The following AGAP1 variants were observed in gnomAD, a reference collection of about 807,000 sequenced individuals.
The protein encoded by AGAP1 is arf-GAP with GTPase, ANK repeat and PH domain-containing protein 1.
Under a neutral mutation model 105.3 loss-of-function variants are expected in AGAP1, and 29 were observed. That is an observed-to-expected ratio of 0.28 (90% CI 0.21 to 0.38). The LOEUF (loss-of-function observed/expected upper bound fraction) is 0.38, where lower values mean the gene tolerates loss of function less well. Among genes scored for constraint, AGAP1 ranks in the 10% least tolerant of loss-of-function variants. AGAP1 has a pLI of 1.00. For missense variants in AGAP1, 998 were observed against 1,165.1 expected, an observed-to-expected ratio of 0.86 and a Z score of 2.09; for synonymous variants, 509 against 485.9, an observed-to-expected ratio of 1.05 and a Z score of -0.63.
chr2:235,831,302 G>A (rs113443821), intron 9 of AGAP1, among the ~76,000 whole-genome samples: 1,822 of 152,142 alleles, frequency 0.012, 15 homozygotes, highest in Middle Eastern at 0.028. Flanking sequence ...TGTTGCAGCC[G>A]ATGAGCCTGC....
intron 12 of AGAP1, among the ~76,000 whole-genome samples, chr2:235,956,021 T>C (rs1227085581): frequency 6.6e-6 from 1 of 152,220 alleles, no homozygotes; most frequent in Non-Finnish European, 1.5e-5. Flanking sequence ...CAAAGAGGGC[T>C]CCTACATCTA....
In AGAP1 at chr2:235,670,244, C is replaced by A. The variant is rs775673817; in HGVS notation, c.164-38935C>A. Reference sequence around the variant, plus strand: ...GCTGGCCGCGCCGGGCTCCGGCGGCCCGGACCCACGCCCGGTTCGGCGGCC... The same window carrying A: ...GCTGGCCGCGCCGGGCTCCGGCGGCACGGACCCACGCCCGGTTCGGCGGCC... On this transcript the variant is annotated intron_variant, in intron 1 of 17. Transcript: ENST00000304032. 1.2e-4 allele frequency: 67 copies of A among 558,796 alleles called. 3 individuals carry two copies. In the South Asian group the frequency reaches 1.3e-3, roughly 11 times the overall value. The allele number at this position is 558,796 out of a possible 1,614,324, so 34.6% of individuals were successfully genotyped here. A position where few individuals can be genotyped will look rare whatever the true frequency, so the allele number is the denominator to read the frequency against.
rs1438289411 is a variant in AGAP1, at chr2:235,964,432, A to G, written c.1484-4030A>G. On this transcript the variant is annotated intron_variant, in intron 12 of 17. Transcript: ENST00000304032. This position sits in a 1 kb window ranked among gnomAD's most constrained non-coding sequence, Gnocchi z 4.6. The stretch of plus-strand genomic sequence containing the variant: ...CCATGGCCTGGCACCATACCTGGCA[A>G]AGTGGGCTCCTAACACTGAATAGAG... 1.3e-5 allele frequency among the ~76,000 whole-genome samples: 2 copies of G among 152,112 alleles called. No individual in the cohort carries two copies. The highest frequency in any genetic ancestry group is 4.8e-5 in the African/African-American group (2 of 41,414).
intron 1 of AGAP1, among the ~76,000 whole-genome samples, chr2:235,651,131 A>G (rs1398741046): frequency 7.0e-6 from 1 of 143,248 alleles, no homozygotes; most frequent in Non-Finnish European, 1.5e-5. Context: ...CAGTGAGTCA[A>G]GATCGTGCCA....
chr2:235,738,848 G>A (rs1234877942), intron 3 of AGAP1, among the ~76,000 whole-genome samples: 4 of 152,094 alleles, frequency 2.6e-5, no homozygotes, highest in African/African-American at 7.2e-5. Flanking sequence ...GTGAGCCACC[G>A]CGCCCAGCCT....
At chr2:236,066,745 C>T (rs1171961839) in intron 16 of AGAP1, among the ~76,000 whole-genome samples, 2 of 152,216 alleles carry the variant, frequency 1.3e-5, no homozygotes, top group African/African-American at 2.4e-5. Context: ...GTTTTGATAA[C>T]TGCATAGGTC....
At chr2:236,018,194 A>G (rs1037844398) in intron 13 of AGAP1, among the ~76,000 whole-genome samples, 1 of 150,460 alleles carries the variant, frequency 6.6e-6, no homozygotes. Flanking sequence ...GCCAGAATGC[A>G]GCTGTAACTT....
Position 235,740,833 on chromosome 2 carries a change from C to T in AGAP1, c.311-130C>T. On this transcript the variant is annotated intron_variant, in intron 3 of 17. Transcript: ENST00000304032. The surrounding 1 kb of genome is among the most constrained non-coding windows in gnomAD (Gnocchi z 5.7). ...GTTAAAATTCAGCATTTGCTGGCAACATCCTAAATACTCAGTTGCCTCCAG... is the reference window on the plus strand; with the variant it reads ...GTTAAAATTCAGCATTTGCTGGCAATATCCTAAATACTCAGTTGCCTCCAG... 2 of 992,322 alleles carry T rather than the reference C, an allele frequency of 2.0e-6. No individual in the cohort carries two copies. The highest frequency in any genetic ancestry group is 3.0e-6 in the Non-Finnish European group (2 of 673,832). 61.5% of individuals were successfully genotyped at this position (992,322 alleles called of 1,614,324 possible). A position where few individuals can be genotyped will look rare whatever the true frequency, so the allele number is the denominator to read the frequency against.
intron 3 of AGAP1, among the ~76,000 whole-genome samples, chr2:235,722,803 C>A (rs989123346): frequency 3.9e-5 from 6 of 151,976 alleles, no homozygotes; most frequent in Non-Finnish European, 7.4e-5. Context: ...GATGTCCAAT[C>A]TTTTGGCTTT....
rs1559286383 is a variant in AGAP1 at position 235,608,956 on chromosome 2, C to T, written c.164-100223C>T. On this transcript the variant is annotated intron_variant, in intron 1 of 17. Transcript: ENST00000304032. The surrounding 1 kb of genome is among the most constrained non-coding windows in gnomAD (Gnocchi z 5.4). ...ACCCCCAACTATGCAAATGATAGTA[C>T]TAGGAATAATAGTAGTAGAAGTAGT... Among the ~76,000 whole-genome samples, 3 of 151,022 alleles carry T rather than the reference C, an allele frequency of 2.0e-5. No individual in the cohort carries two copies. Among genetic ancestry groups the T allele is most frequent in the Non-Finnish European group, 2.9e-5 (2 of 67,890 alleles).
chr2:235,829,609 A>G (rs905521475), intron 9 of AGAP1, among the ~76,000 whole-genome samples: 8 of 152,224 alleles, frequency 5.3e-5, no homozygotes, highest in African/African-American at 1.7e-4. Flanking sequence ...AGCTTGTTAT[A>G]TATTGCGAAG....
At chr2:235,632,940 C>T (rs931602759) in intron 1 of AGAP1, among the ~76,000 whole-genome samples, 3 of 152,142 alleles carry the variant, frequency 2.0e-5, no homozygotes, top group Non-Finnish European at 4.4e-5. Context: ...AAGACGACCT[C>T]TTGCAAAGTG....
At position 235,883,462 on chromosome 2, in the gene AGAP1, C is replaced by T. The variant is rs778914408; in HGVS notation, c.1155+13C>T. On this transcript the variant is annotated intron_variant, in intron 10 of 17. Coordinates refer to ENST00000304032, the MANE Select transcript of AGAP1 (RefSeq NM_001037131.3). This position sits in a 1 kb window ranked among gnomAD's most constrained non-coding sequence, Gnocchi z 4.5. The stretch of plus-strand genomic sequence containing the variant: ...TCCCAGTTTACATGTGAGTATAGCC[C>T]CCTCGGAGCAATTAACAGCTGCAGA... 6.2e-7 allele frequency: 1 copy of T among 1,604,818 alleles called. No homozygotes were observed. Among genetic ancestry groups the T allele is most frequent in the South Asian group, 1.1e-5 (1 of 90,632 alleles).
In AGAP1 at chr2:235,754,838, G is replaced by A. The variant is rs1953781025; in HGVS notation, c.673+4350G>A. 6.6e-6 allele frequency among the ~76,000 whole-genome samples: 1 copy of A among 152,244 alleles called. No individual in the cohort carries two copies. Among genetic ancestry groups the A allele is most frequent in the African/African-American group, 2.4e-5 (1 of 41,460 alleles). On this transcript the variant is annotated intron_variant, in intron 6 of 17. Coordinates refer to ENST00000304032, the MANE Select transcript of AGAP1 (RefSeq NM_001037131.3). This position sits in a 1 kb window ranked among gnomAD's most constrained non-coding sequence, Gnocchi z 4.6. ...CTCCGTGAAGTTAAGGTCCACTAGG[G>A]AGGGTAAACATCAAACGGTCACCCA...
In AGAP1 at chr2:235,660,833, G is replaced by A. The variant is rs952278615; in HGVS notation, c.164-48346G>A. Among the ~76,000 whole-genome samples the A allele has an allele frequency of 4.6e-5, 7 of 152,140 alleles. No homozygotes were observed. Among genetic ancestry groups the A allele is most frequent in the African/African-American group, 7.2e-5 (3 of 41,418 alleles). On this transcript the variant is annotated intron_variant, in intron 1 of 17. Coordinates refer to ENST00000304032, the MANE Select transcript of AGAP1 (RefSeq NM_001037131.3). This position sits in a 1 kb window ranked among gnomAD's most constrained non-coding sequence, Gnocchi z 5.3. ...GCAGCTACCGTATTGTTCTTGTCCC[G>A]TTTTTGCAGAAATGAAAACCTGATG...
At position 235,866,478 on chromosome 2, in the gene AGAP1, G is replaced by A. The variant is rs1023787316; in HGVS notation, c.1051-16867G>A. The stretch of plus-strand genomic sequence containing the variant: ...CGGAAGTCCCCAGTGTGACACCAGG[G>A]CCTGTGGGGCGTATTTGGTGAGACT... On this transcript the variant is annotated intron_variant, in intron 9 of 17. Coordinates refer to ENST00000304032, the MANE Select transcript of AGAP1 (RefSeq NM_001037131.3). The surrounding 1 kb of genome is among the most constrained non-coding windows in gnomAD (Gnocchi z 6.1). 6.6e-6 allele frequency among the ~76,000 whole-genome samples: 1 copy of A among 152,184 alleles called. No individual in the cohort carries two copies. Among genetic ancestry groups the A allele is most frequent in the Non-Finnish European group, 1.5e-5 (1 of 68,032 alleles).
chr2:236,110,736 C>T (rs1436706891), intron 16 of AGAP1, among the ~76,000 whole-genome samples: 3 of 152,162 alleles, frequency 2.0e-5, no homozygotes, highest in African/African-American at 7.2e-5. Context: ...CACCATTTGG[C>T]TCATGTAGCA....
rs561055185 is a variant in AGAP1, at chr2:235,906,103, A to T, written c.1156-2635A>T. 2.0e-3 allele frequency among the ~76,000 whole-genome samples: 300 copies of T among 152,240 alleles called. 2 individuals carry two copies. The highest frequency in any genetic ancestry group is 7.0e-3 in the African/African-American group (291 of 41,548). Reference sequence around the variant, plus strand: ...CTCCAAGGGGGCTGTGGCTGACTCCAGCCAGCCTGCCCTGAGAGTCAGGCC... The same window carrying T: ...CTCCAAGGGGGCTGTGGCTGACTCCTGCCAGCCTGCCCTGAGAGTCAGGCC... On this transcript the variant is annotated intron_variant, in intron 10 of 17. Coordinates refer to ENST00000304032, the MANE Select transcript of AGAP1 (RefSeq NM_001037131.3). The surrounding 1 kb of genome is among the most constrained non-coding windows in gnomAD (Gnocchi z 5.3).
chr2:235,831,993 T>C (rs1476398204), intron 9 of AGAP1, among the ~76,000 whole-genome samples: 1 of 152,214 alleles, frequency 6.6e-6, no homozygotes. Flanking sequence ...GTGTTAGACT[T>C]TGGCCATTCT....
Sources: gnomAD v4.1 joint callset for allele counts (sites outside exome capture counted in the v4.1 genomes callset) on GRCh38, gnomAD v4.1.1 for gene constraint, Gnocchi (gnomAD v3.1) non-coding constraint, MANE v1.5 for transcripts, NCBI Gene and HGNC (gene_info 2026-07-23, HGNC 2026-07-21) for gene names.